Variants in MYDGF observed in about 807,000 individuals in gnomAD.
The protein encoded by MYDGF is myeloid derived growth factor.
A neutral mutation model predicts 24.2 loss-of-function variants in MYDGF; 29 were observed. The observed-to-expected ratio is 1.20, with a 90% CI of 0.89 to 1.63. MYDGF has a LOEUF of 1.63. Among genes scored for constraint, MYDGF ranks in the 40% most tolerant of loss-of-function variants. MYDGF has a pLI of 0.00. For missense variants in MYDGF, 245 were observed against 234.8 expected (o/e 1.04, Z -0.29); for synonymous variants, 105 against 102.5 (o/e 1.02, Z -0.15).
Position 4,670,177 on chromosome 19 carries a change from T to G in MYDGF, c.158A>C (p.His53Pro). The G allele has an allele frequency of 7.1e-6, 11 of 1,549,758 alleles. No homozygotes were observed. Among genetic ancestry groups the G allele is most frequent in the Non-Finnish European group, 9.6e-6 (11 of 1,150,766 alleles). Residue 53 changes from histidine to proline, a missense_variant, in exon 1 of 6, where the codon CAT (histidine) becomes CCT (proline). By Grantham distance (77) the His-to-Pro change is moderately conservative (BLOSUM62 -2). Coordinates refer to ENST00000262947, the MANE Select transcript of MYDGF (RefSeq NM_019107.4). ...GGCACGTACCCCCGGGCCCACGTTA[T>G]GGGAGAAGGAATGCACGACGCCGCC... ...RPGGVVHSFS[H>P]NVGPGDKYTC...
At chr19:4,669,197 G>A (rs2088543734) in intron 1 of MYDGF, among the ~76,000 whole-genome samples, 1 of 152,174 alleles carries the variant, frequency 6.6e-6, no homozygotes, top group Non-Finnish European at 1.5e-5. Flanking sequence ...AAACTGGCCT[G>A]GCACAGTGGC....
In MYDGF at chr19:4,661,220, C is replaced by T. The variant is rs115831415; in HGVS notation, c.288-470G>A. Reference sequence around the variant, plus strand: ...ACCTCAAGTGATCCACTCGCCTCAGCCTCCCAGAGGGCTGTGATTAGAGGT... The same window carrying T: ...ACCTCAAGTGATCCACTCGCCTCAGTCTCCCAGAGGGCTGTGATTAGAGGT... On this transcript the variant is annotated intron_variant, in intron 3 of 5. Coordinates refer to ENST00000262947, the MANE Select transcript of MYDGF (RefSeq NM_019107.4). 8.3e-3 allele frequency among the ~76,000 whole-genome samples: 1,262 copies of T among 152,264 alleles called. 16 individuals carry two copies. Among genetic ancestry groups the T allele is most frequent in the African/African-American group, 0.028 (1,183 of 41,544 alleles).
chr19:4,663,325 TACGCTCCC>T, intron 3 of MYDGF, among the ~76,000 whole-genome samples: 1 of 133,970 alleles, frequency 7.5e-6, no homozygotes, highest in African/African-American at 3.0e-5. Flanking sequence ...GCCTCCAATC[TACGCTCCC>T]ATCCACCCCA....
At chr19:4,667,562 G>C (rs1599840264) in intron 2 of MYDGF, among the ~76,000 whole-genome samples, 1 of 146,160 alleles carries the variant, frequency 6.8e-6, no homozygotes. Flanking sequence ...ATGAGCCACT[G>C]TGCCTGGCCC....
At chr19:4,670,116 C>T in intron 1 of MYDGF, 45 bp downstream of exon 1, 3 of 1,434,958 alleles carry the variant, frequency 2.1e-6, no homozygotes, top group African/African-American at 1.5e-5. Flanking sequence ...GCCCCCTCCC[C>T]GGGCCTGCCA....
intron 5 of MYDGF, 82 bp downstream of exon 5, chr19:4,659,849 G>A (rs760030176): frequency 2.4e-6 from 3 of 1,255,820 alleles, no homozygotes; most frequent in Admixed American, 1.7e-5. Flanking sequence ...CCCTATGGCT[G>A]ACCCCCCTCT....
At chr19:4,669,596 A>C (rs570803922) in intron 1 of MYDGF, among the ~76,000 whole-genome samples, 1 of 152,322 alleles carries the variant, frequency 6.6e-6, no homozygotes, top group African/African-American at 2.4e-5. Flanking sequence ...CAAGTCTAAA[A>C]AGAAATAGTC....
chr19:4,667,127 T>A (rs1165482045), intron 2 of MYDGF, among the ~76,000 whole-genome samples: 1 of 138,470 alleles, frequency 7.2e-6, no homozygotes, highest in Non-Finnish European at 1.6e-5. Context: ...CACCCTTTTT[T>A]TTTTTTTTTT....
chr19:4,667,542 G>C (rs759339984), intron 2 of MYDGF, among the ~76,000 whole-genome samples: 1 of 151,904 alleles, frequency 6.6e-6, no homozygotes, highest in Non-Finnish European at 1.5e-5. Flanking sequence ...AAAGTGCTGG[G>C]ATTATAGGCA....
Position 4,670,275 on chromosome 19 carries a change from G to A in MYDGF, c.60C>T (p.Leu20=). The change falls in exon 1 of 6, where the codon CTC becomes CTT. Residue 20 remains leucine, a synonymous_variant. Transcript: ENST00000262947. ...GVGASLWAAL[L]LGAVALRPAE... is the part of the protein sequence containing the mutation. ...CCGGCCTCAGCGCCACGGCCCCTAG[G>A]AGCAGCGCGGCCCACAAGCTCGCGC... 4 of 1,541,142 alleles carry A rather than the reference G, an allele frequency of 2.6e-6. No homozygotes were observed. The highest frequency in any genetic ancestry group is 3.5e-6 in the Non-Finnish European group (4 of 1,145,636).
intron 3 of MYDGF, among the ~76,000 whole-genome samples, chr19:4,661,032 A>G (rs1483886760): frequency 6.8e-6 from 1 of 147,918 alleles, no homozygotes; most frequent in Non-Finnish European, 1.5e-5. Flanking sequence ...CAATGGCACA[A>G]TCTCACTCAC....
chr19:4,665,069 C>A, intron 2 of MYDGF, 132 bp from the exon 3 acceptor site: 1 of 927,118 alleles, frequency 1.1e-6, no homozygotes, highest in South Asian at 1.7e-5. Context: ...CACTAAATCC[C>A]CTGCCCCGCC....
intron 3 of MYDGF, among the ~76,000 whole-genome samples, chr19:4,662,051 C>CCTG (rs2088475349): frequency 6.6e-6 from 1 of 152,184 alleles, no homozygotes; most frequent in Non-Finnish European, 1.5e-5. Context: ...TATCTCCTCT[C>CCTG]AATGACCCTC....
At chr19:4,668,798 C>T in intron 1 of MYDGF, 153 bp from the exon 2 acceptor site, 2 of 594,876 alleles carry the variant, frequency 3.4e-6, no homozygotes, top group South Asian at 3.7e-5. Context: ...CCTCTTGCCT[C>T]AGCCTCTCAA....
intron 3 of MYDGF, among the ~76,000 whole-genome samples, chr19:4,664,535 G>A (rs968564834): frequency 4.0e-5 from 6 of 151,006 alleles, no homozygotes; most frequent in Admixed American, 1.3e-4. Context: ...TGGTGAGTTC[G>A]TCTCACCCTT....
chr19:4,670,111 C>G (rs533791069), intron 1 of MYDGF, 50 bp downstream of exon 1: 6 of 1,426,212 alleles, frequency 4.2e-6, no homozygotes, highest in Non-Finnish European at 3.7e-6. Flanking sequence ...TCCGCGCCCC[C>G]TCCCCGGGCC....
In MYDGF at chr19:4,670,249, G is replaced by T; in HGVS notation, c.86C>A (p.Ala29Glu). The change falls in exon 1 of 6, where the codon GCG (alanine) becomes GAG (glutamate). Residue 29 changes from alanine to glutamate, a missense_variant. Coordinates refer to ENST00000262947, the MANE Select transcript of MYDGF (RefSeq NM_019107.4). ...CGTCGTGGGCTCGGACACCGCCTCC[G>T]CCGGCCTCAGCGCCACGGCCCCTAG... ...LLLGAVALRP[A>E]EAVSEPTTVA... 1 of 1,563,844 alleles carries T rather than the reference G, an allele frequency of 6.4e-7. No individual in the cohort carries two copies. Among genetic ancestry groups the T allele is most frequent in the Non-Finnish European group, 8.6e-7 (1 of 1,157,816 alleles).
chr19:4,669,747 G>A (rs1369226647), intron 1 of MYDGF, among the ~76,000 whole-genome samples: 1 of 152,144 alleles, frequency 6.6e-6, no homozygotes, highest in Admixed American at 6.5e-5. Flanking sequence ...ATGGAAGGAA[G>A]GAGCACTTCC....
intron 3 of MYDGF, among the ~76,000 whole-genome samples, chr19:4,662,464 G>C (rs1341921401): frequency 1.3e-5 from 2 of 152,168 alleles, no homozygotes; most frequent in African/African-American, 4.8e-5. Context: ...TCATGACCTT[G>C]CCCAGATCGA....
Sources: allele counts gnomAD v4.1 joint callset (sites outside exome capture counted in the v4.1 genomes callset), GRCh38; gene constraint gnomAD v4.1.1; transcripts MANE v1.5; gene names NCBI Gene and HGNC (gene_info 2026-07-23, HGNC 2026-07-21).